Variants in SLC24A4 observed in about 807,000 individuals in gnomAD.
SLC24A4 encodes sodium/potassium/calcium exchanger 4.
In SLC24A4, 53 loss-of-function variants were observed where a neutral mutation model predicts 79.0. That is an observed-to-expected ratio of 0.67 (90% CI 0.54 to 0.84). The LOEUF (loss-of-function observed/expected upper bound fraction) is 0.84. Among genes scored for constraint, SLC24A4 ranks in the 40% least tolerant of loss-of-function variants. The probability of loss-of-function intolerance (pLI) is 0.00; values close to 1 mark genes in which losing one functional copy is unlikely to be tolerated. For synonymous variants in SLC24A4, 323 were observed against 323.8 expected (o/e 1.00, Z 0.03); for missense variants, 731 against 822.0 (o/e 0.89, Z 1.35).
intron 2 of SLC24A4, among the ~76,000 whole-genome samples, chr14:92,399,608 T>G (rs776437132): frequency 2.6e-5 from 4 of 152,244 alleles, no homozygotes; most frequent in African/African-American, 4.8e-5. Context: ...CTGTGAAATC[T>G]TGAAGTGTCT....
At chr14:92,387,172 G>A (rs1945557925) in intron 2 of SLC24A4, among the ~76,000 whole-genome samples, 1 of 141,436 alleles carries the variant, frequency 7.1e-6, no homozygotes, top group South Asian at 2.1e-4. Context: ...CCTGACCCTG[G>A]AGAGAAGTAT....
chr14:92,372,857 G>A (rs1004193089), intron 2 of SLC24A4, among the ~76,000 whole-genome samples: 1 of 142,180 alleles, frequency 7.0e-6, no homozygotes, highest in Non-Finnish European at 1.5e-5. Context: ...AGAACAGAAA[G>A]GGTCACTGTC....
At chr14:92,423,295 C>T (rs541667348) in intron 2 of SLC24A4, among the ~76,000 whole-genome samples, 16 of 152,116 alleles carry the variant, frequency 1.1e-4, no homozygotes, top group East Asian at 9.7e-4. Flanking sequence ...CAGGCACGCG[C>T]GACCATGCCT....
chr14:92,492,321 G>C lies in SLC24A4; in HGVS notation c.1716+81G>C, dbSNP rs1409985180. The C allele has an allele frequency of 2.2e-5, 29 of 1,318,516 alleles. No homozygotes were observed. The East Asian group carries it at 6.0e-4, about 27-fold the overall frequency. 81.7% of individuals were successfully genotyped at this position (1,318,516 alleles called of 1,614,324 possible). ...TCCGCCTCGTCACTTACGTGACTCT[G>C]TACACCCCTGTCACTTCCCTTGGTA... On this transcript the variant is annotated intron_variant, in intron 16 of 16. Coordinates refer to ENST00000532405, the MANE Select transcript of SLC24A4 (RefSeq NM_153646.4).
At chr14:92,366,498 A>C (rs1451416736) in intron 2 of SLC24A4, among the ~76,000 whole-genome samples, 2 of 152,210 alleles carry the variant, frequency 1.3e-5, no homozygotes, top group East Asian at 3.8e-4. Flanking sequence ...CCTGCAGCAG[A>C]AGAGAAGATA....
At chr14:92,384,460 G>A (rs1889033595) in intron 2 of SLC24A4, among the ~76,000 whole-genome samples, 1 of 151,624 alleles carries the variant, frequency 6.6e-6, no homozygotes. Flanking sequence ...GTGCATGGGG[G>A]CCTGCTCTGG....
At chr14:92,472,378 G>C (rs1052272520) in intron 12 of SLC24A4, among the ~76,000 whole-genome samples, 1 of 152,102 alleles carries the variant, frequency 6.6e-6, no homozygotes, top group African/African-American at 2.4e-5. Context: ...AACCCAATTT[G>C]TCATCTTTTA....
chr14:92,349,402 C>T (rs768480025), intron 2 of SLC24A4, among the ~76,000 whole-genome samples: 42 of 152,310 alleles, frequency 2.8e-4, no homozygotes, highest in Non-Finnish European at 5.0e-4. Flanking sequence ...TCAAGTGATC[C>T]GCCCGCCTTG....
intron 2 of SLC24A4, among the ~76,000 whole-genome samples, chr14:92,399,455 T>A (rs1260740357): frequency 6.6e-6 from 1 of 152,222 alleles, no homozygotes; most frequent in East Asian, 1.9e-4. Context: ...CAAACTTGGA[T>A]AGGAAATAAC....
At chr14:92,394,203 C>T (rs905105998) in intron 2 of SLC24A4, among the ~76,000 whole-genome samples, 3 of 152,032 alleles carry the variant, frequency 2.0e-5, no homozygotes, top group African/African-American at 4.8e-5. Context: ...CTTTTATTCT[C>T]ACAGTTTTGT....
In SLC24A4 at chr14:92,345,517, A is replaced by G. The variant is rs562232439; in HGVS notation, c.241+19539A>G. ...GGAGTTCGAGACCAGCCTGGTCAAT[A>G]TGGTGAAACTATATGTCTACTAAAA... On this transcript the variant is annotated intron_variant, in intron 2 of 16. Coordinates refer to ENST00000532405, the MANE Select transcript of SLC24A4 (RefSeq NM_153646.4). Among the ~76,000 whole-genome samples, 5 of 152,296 alleles carry G rather than the reference A, an allele frequency of 3.3e-5. No individual in the cohort carries two copies. In the South Asian group the frequency reaches 6.2e-4, roughly 19 times the overall value.
chr14:92,484,706 TC>T, intron 13 of SLC24A4: 1 of 985,226 alleles, frequency 1.0e-6, no homozygotes, highest in Non-Finnish European at 1.2e-6. Context: ...AACATTCAAG[TC>T]CCCCAGAACC....
intron 2 of SLC24A4, among the ~76,000 whole-genome samples, chr14:92,399,093 C>T (rs1889944172): frequency 6.6e-6 from 1 of 152,162 alleles, no homozygotes. Context: ...CAAGCAGTAC[C>T]TGGGGAGAGC....
At chr14:92,400,619 G>A (rs1441457539) in intron 2 of SLC24A4, among the ~76,000 whole-genome samples, 1 of 152,062 alleles carries the variant, frequency 6.6e-6, no homozygotes, top group East Asian at 1.9e-4. Context: ...AGTTAGGCAT[G>A]CCCATCCCTC....
At chr14:92,399,785 G>A (rs1889994891) in intron 2 of SLC24A4, among the ~76,000 whole-genome samples, 1 of 152,202 alleles carries the variant, frequency 6.6e-6, no homozygotes, top group Non-Finnish European at 1.5e-5. Flanking sequence ...TAATTGCAAA[G>A]GTAGTTAGAG....
At chr14:92,402,126 G>T (rs960186700) in intron 2 of SLC24A4, among the ~76,000 whole-genome samples, 1 of 152,096 alleles carries the variant, frequency 6.6e-6, no homozygotes, top group Admixed American at 6.5e-5. Context: ...TCAAGTACCA[G>T]GGCAAAGCTG....
At chr14:92,487,141 G>A (rs1364404633) in intron 14 of SLC24A4, among the ~76,000 whole-genome samples, 1 of 152,196 alleles carries the variant, frequency 6.6e-6, no homozygotes, top group Non-Finnish European at 1.5e-5. Flanking sequence ...GCAAAGCACT[G>A]GCATCCTATA....
intron 15 of SLC24A4, 59 bp from the exon 16 acceptor site, chr14:92,492,116 C>A: frequency 1.3e-6 from 2 of 1,518,754 alleles, no homozygotes; most frequent in Admixed American, 1.7e-5. Flanking sequence ...GCTGGGATTT[C>A]TGGATGGATT....
intron 2 of SLC24A4, among the ~76,000 whole-genome samples, chr14:92,371,515 G>T (rs571938710): frequency 6.6e-6 from 1 of 152,294 alleles, no homozygotes; most frequent in South Asian, 2.1e-4. Context: ...ACTCTATACA[G>T]ATGGCACACC....
Sources: allele counts gnomAD v4.1 joint callset (sites outside exome capture counted in the v4.1 genomes callset), GRCh38; gene constraint gnomAD v4.1.1; transcripts MANE v1.5; gene names NCBI Gene and HGNC (gene_info 2026-07-23, HGNC 2026-07-21).